The following SCGB2B2 variants were observed in gnomAD, a reference collection of about 807,000 sequenced individuals.
SCGB2B2 encodes the protein secretoglobin-like protein.
Under a neutral mutation model 7.6 loss-of-function variants are expected in SCGB2B2, and 11 were observed. That is an observed-to-expected ratio of 1.45 (90% CI 0.91 to 2.40). The LOEUF is 2.40. Ranked by LOEUF, SCGB2B2 falls within the 30% of genes most tolerant of loss-of-function variation. The pLI is 0.00. For synonymous variants in SCGB2B2, 50 were observed against 48.6 expected (o/e 1.03, Z -0.12); for missense variants, 104 against 115.4 (o/e 0.90, Z 0.45).
intron 1 of SCGB2B2, among the ~76,000 whole-genome samples, chr19:34,639,065 C>G (rs1238815537): frequency 1.3e-5 from 2 of 152,176 alleles, no homozygotes; most frequent in Non-Finnish European, 1.5e-5. Context: ...AAGCCGTATC[C>G]TTTTACTTTT....
rs2065404554 is a variant in SCGB2B2 at position 34,594,866 on chromosome 19, C to A, written c.-303G>T. The A allele has an allele frequency of 1.4e-5, 6 of 443,946 alleles. No individual in the cohort carries two copies. In the South Asian group the frequency reaches 1.4e-4, roughly 10 times the overall value. 27.5% of individuals were successfully genotyped at this position (443,946 alleles called of 1,614,324 possible). On this transcript the variant is annotated 5_prime_UTR_variant, in exon 2 of 4. Coordinates refer to ENST00000601241, the MANE Select transcript of SCGB2B2 (RefSeq NM_001025591.4). ...TCCCTGGGATTGGGAGCAGGCTGAA[C>A]ACTGGTGTAAGCCTGCAAGTCTGAG...
chr19:34,612,416 C>T (rs544322873), intron 1 of SCGB2B2, among the ~76,000 whole-genome samples: 1 of 152,238 alleles, frequency 6.6e-6, no homozygotes, highest in Admixed American at 6.5e-5. Flanking sequence ...TGGATGCATG[C>T]ATTCAATATG....
chr19:34,642,714 CAAAAAAAAAA>C lies in SCGB2B2; in HGVS notation c.-2032+32906_-2032+32915del, dbSNP rs55922005. ...TGGGCGACAGAGCAAGACTCCGTCT[CAAAAAAAAAA>C]AAAAAAAAAAAAAAAGTGGGCAAAG... On this transcript the variant is annotated intron_variant, in intron 1 of 3. Coordinates refer to ENST00000601241, the MANE Select transcript of SCGB2B2 (RefSeq NM_001025591.4). Among the ~76,000 whole-genome samples, 26 of 39,874 alleles carry C rather than the reference CAAAAAAAAAA, an allele frequency of 6.5e-4. 2 individuals carry two copies. Among genetic ancestry groups the C allele is most frequent in the African/African-American group, 2.5e-3 (25 of 9,998 alleles). The allele number at this position is 39,874 out of a possible 152,430, so 26.2% of individuals were successfully genotyped here.
intron 1 of SCGB2B2, among the ~76,000 whole-genome samples, chr19:34,662,922 C>T (rs1221017009): frequency 6.6e-6 from 1 of 151,860 alleles, no homozygotes; most frequent in East Asian, 1.9e-4. Flanking sequence ...CTGAGAGAGA[C>T]CCTGTCTCCA....
In SCGB2B2 at chr19:34,647,070, C is replaced by CA. The variant is rs1568439841; in HGVS notation, c.-2032+28559_-2032+28560insT. Among the ~76,000 whole-genome samples, 20 of 152,222 alleles carry CA rather than the reference C, an allele frequency of 1.3e-4. No individual in the cohort carries two copies. In the East Asian group the frequency reaches 3.9e-3, roughly 29 times the overall value. On this transcript the variant is annotated intron_variant, in intron 1 of 3. Coordinates refer to ENST00000601241, the MANE Select transcript of SCGB2B2 (RefSeq NM_001025591.4). ...ATGCTGGAGGCTGGGAAACCTTGCCCTCCTGGCTGAGTCACAGGCCTCAGC... is the reference window on the plus strand; with the variant it reads ...ATGCTGGAGGCTGGGAAACCTTGCCCATCCTGGCTGAGTCACAGGCCTCAGC...
At chr19:34,588,210 T>C (rs2065223244), downstream of SCGB2B2, among the ~76,000 whole-genome samples, 1 of 152,260 alleles carries the variant, frequency 6.6e-6, no homozygotes, top group Non-Finnish European at 1.5e-5. Flanking sequence ...TCACTTGTAA[T>C]TGGTCTGTTC....
chr19:34,663,876 C>A (rs2067533753), intron 1 of SCGB2B2, among the ~76,000 whole-genome samples: 1 of 152,010 alleles, frequency 6.6e-6, no homozygotes, highest in South Asian at 2.1e-4. Context: ...CAGGAGAGGA[C>A]TGGGGGGAAG....
intron 1 of SCGB2B2, among the ~76,000 whole-genome samples, chr19:34,668,236 G>A (rs532019690): frequency 6.6e-6 from 1 of 152,304 alleles, no homozygotes; most frequent in South Asian, 2.1e-4. Flanking sequence ...TGGCGCTTGC[G>A]AGCCAGCTGG....
chr19:34,624,562 G>A (rs1440570791), intron 1 of SCGB2B2, among the ~76,000 whole-genome samples: 1 of 152,086 alleles, frequency 6.6e-6, no homozygotes, highest in Non-Finnish European at 1.5e-5. Context: ...TACAAAGAAG[G>A]GATAGGAGAC....
At chr19:34,659,775 T>C (rs1376735751) in intron 1 of SCGB2B2, among the ~76,000 whole-genome samples, 1 of 152,104 alleles carries the variant, frequency 6.6e-6, no homozygotes, top group African/African-American at 2.4e-5. Context: ...CTTCACAGAA[T>C]TGGAAAAAAC....
At chr19:34,625,184 C>T (rs1482112514) in intron 1 of SCGB2B2, among the ~76,000 whole-genome samples, 1 of 152,166 alleles carries the variant, frequency 6.6e-6, no homozygotes, top group Non-Finnish European at 1.5e-5. Context: ...CTACAGCTCC[C>T]AGCGTGAGTG....
At chr19:34,639,722 C>T (rs1458657824) in intron 1 of SCGB2B2, among the ~76,000 whole-genome samples, 2 of 152,134 alleles carry the variant, frequency 1.3e-5, no homozygotes, top group African/African-American at 2.4e-5. Context: ...ATCTTGGGTC[C>T]GCAGAGAATT....
rs10411655 is a variant in SCGB2B2 at position 34,594,489 on chromosome 19, C to T, written c.61+14G>A. 7,738 of 1,613,616 alleles carry T rather than the reference C, an allele frequency of 4.8e-3. 302 individuals are homozygous for T. In the African/African-American group the frequency reaches 0.088, roughly 18 times the overall value. On this transcript the variant is annotated intron_variant, in intron 2 of 3. Coordinates refer to ENST00000601241, the MANE Select transcript of SCGB2B2 (RefSeq NM_001025591.4). ...GCCACCGCTTCCTCCCAGCCCTGCT[C>T]GCCTCTTTCTTACCCAGCTGGACGC...
rs1568426474 is a variant in SCGB2B2, at chr19:34,592,985, T to A, written c.*570A>T. Among the ~76,000 whole-genome samples, 1 of 151,782 alleles carries A rather than the reference T, an allele frequency of 6.6e-6. No individual in the cohort carries two copies. Among genetic ancestry groups the A allele is most frequent in the African/African-American group, 2.4e-5 (1 of 41,260 alleles). On this transcript the variant is annotated 3_prime_UTR_variant, in exon 4 of 4. Transcript: ENST00000601241. ...GAGAAAAAAGGACAGCTTGGGTAGG[T>A]AGGGATGGAGAAGTGTGTTAAGGTT...
At position 34,595,355 on chromosome 19, in the gene SCGB2B2, C is replaced by T. The variant is rs553994049; in HGVS notation, c.-792G>A. ...AGTACAGTCCCTTCGATCTAAGAAG[C>T]AGATGTTCAGGGAGAAACAGTGAAA... On this transcript the variant is annotated 5_prime_UTR_variant, in exon 2 of 4. Coordinates refer to ENST00000601241, the MANE Select transcript of SCGB2B2 (RefSeq NM_001025591.4). 12 of 152,708 alleles carry T rather than the reference C, an allele frequency of 7.9e-5. No individual in the cohort carries two copies. The highest frequency in any genetic ancestry group is 2.9e-4 in the African/African-American group (12 of 41,584). 9.5% of individuals were successfully genotyped at this position (152,708 alleles called of 1,614,324 possible).
chr19:34,590,393 CCATT>C (rs2065270875), downstream of SCGB2B2, among the ~76,000 whole-genome samples: 2 of 71,854 alleles, frequency 2.8e-5, no homozygotes, highest in African/African-American at 5.7e-5. Flanking sequence ...ATCCATCCAT[CCATT>C]CATCCATTCA....
At chr19:34,635,996 A>G (rs2066666635) in intron 1 of SCGB2B2, among the ~76,000 whole-genome samples, 1 of 152,320 alleles carries the variant, frequency 6.6e-6, no homozygotes, top group South Asian at 2.1e-4. Flanking sequence ...AGCCAAGAGC[A>G]AAATGTCTTT....
rs932355111 is a variant in SCGB2B2, at chr19:34,594,869, T to C, written c.-306A>G. The C allele has an allele frequency of 2.3e-6, 1 of 436,228 alleles. No homozygotes were observed. Among genetic ancestry groups the C allele is most frequent in the Non-Finnish European group, 4.3e-6 (1 of 232,288 alleles). The allele number at this position is 436,228 out of a possible 1,614,324, so 27.0% of individuals were successfully genotyped here. A position where few individuals can be genotyped will look rare whatever the true frequency, so the allele number is the denominator to read the frequency against. On this transcript the variant is annotated 5_prime_UTR_variant, in exon 2 of 4. Coordinates refer to ENST00000601241, the MANE Select transcript of SCGB2B2 (RefSeq NM_001025591.4). ...CTGGGATTGGGAGCAGGCTGAACACTGGTGTAAGCCTGCAAGTCTGAGTGT... is the reference window on the plus strand; with the variant it reads ...CTGGGATTGGGAGCAGGCTGAACACCGGTGTAAGCCTGCAAGTCTGAGTGT...
intron 1 of SCGB2B2, chr19:34,634,830 C>A (rs1343485701): frequency 8.1e-6 from 2 of 247,310 alleles, no homozygotes; most frequent in Admixed American, 7.9e-5. Context: ...GGCTTTCCCA[C>A]ATTCGCTGCA....
Sources: allele counts gnomAD v4.1 joint callset (sites outside exome capture counted in the v4.1 genomes callset), GRCh38; gene constraint gnomAD v4.1.1; transcripts MANE v1.5; gene names NCBI Gene and HGNC (gene_info 2026-07-23, HGNC 2026-07-21).